NTRK3: variants seen among roughly 807,000 people sequenced by gnomAD.
The protein encoded by NTRK3 is neurotrophic receptor tyrosine kinase 3, also known as NT-3 growth factor receptor.
A neutral mutation model predicts 91.7 loss-of-function variants in NTRK3; 24 were observed. That is an observed-to-expected ratio of 0.26 (90% CI 0.19 to 0.37). The LOEUF (loss-of-function observed/expected upper bound fraction) is 0.37, where lower values mean the gene tolerates loss of function less well. Among genes scored for constraint, NTRK3 ranks in the 10% least tolerant of loss-of-function variants. NTRK3 has a pLI of 1.00. For synonymous variants in NTRK3, 483 were observed against 404.0 expected, an observed-to-expected ratio of 1.20 and a Z score of -2.34; for missense variants, 880 against 1,068.9, an observed-to-expected ratio of 0.82 and a Z score of 2.46.
intron 14 of NTRK3, chr15:87,979,568 G>A (rs1204498936): frequency 1.4e-6 from 1 of 740,422 alleles, no homozygotes; most frequent in Admixed American, 2.3e-5. Flanking sequence ...GAGGGAGCTT[G>A]AAAGGGGAAG....
At position 88,107,007 on chromosome 15, in the gene NTRK3, C is replaced by A. The variant is rs144526478; in HGVS notation, c.1396+19264G>T. On this transcript the variant is annotated intron_variant, in intron 13 of 18. Transcript: ENST00000394480. ...ATCTACAGTTACATAGATATATGTG[C>A]ATATGTACATATATACATTTACATA... 5.9e-4 allele frequency among the ~76,000 whole-genome samples: 89 copies of A among 151,804 alleles called. 2 individuals carry two copies. The East Asian group carries it at 0.015, about 26-fold the overall frequency.
chr15:88,110,183 G>T (rs2051174479), intron 13 of NTRK3, among the ~76,000 whole-genome samples: 1 of 152,092 alleles, frequency 6.6e-6, no homozygotes. Context: ...GCATGGAAAA[G>T]AAGCCATAGC....
chr15:87,862,618 T>C lies in NTRK3; in HGVS notation c.*14317A>G, dbSNP rs571886357. On this transcript the variant is annotated 3_prime_UTR_variant, in exon 19 of 19. Transcript: ENST00000394480. ...AGTTAAGAGTAGACAATGATGACTC[T>C]AAGATGATATCTGTGTGTCATTGTG... The C allele has an allele frequency of 2.4e-4, 54 of 227,968 alleles. No homozygotes were observed. The South Asian group carries it at 8.6e-3, about 36-fold the overall frequency. The allele number at this position is 227,968 out of a possible 1,614,324, so 14.1% of individuals were successfully genotyped here. A position where few individuals can be genotyped will look rare whatever the true frequency, so the allele number is the denominator to read the frequency against.
chr15:88,043,347 G>A (rs1487228362), intron 13 of NTRK3, among the ~76,000 whole-genome samples: 1 of 152,212 alleles, frequency 6.6e-6, no homozygotes, highest in Non-Finnish European at 1.5e-5. Context: ...AGAGATCATA[G>A]TTCAAATTTC....
intron 3 of NTRK3, among the ~76,000 whole-genome samples, chr15:88,244,444 T>C (rs1011008889): frequency 2.0e-5 from 3 of 152,192 alleles, no homozygotes; most frequent in African/African-American, 4.8e-5. Context: ...CTGAGACAGA[T>C]GCCAAATTCC....
chr15:88,145,121 ATGGCTCATGGCAGATGG>A (rs1283538847), intron 6 of NTRK3, among the ~76,000 whole-genome samples: 1 of 152,182 alleles, frequency 6.6e-6, no homozygotes. Flanking sequence ...GGCAGTCTAG[ATGGCTCATGGCAGATGG>A]CGCCATGTGG....
At chr15:87,999,478 G>A (rs2075946430) in intron 14 of NTRK3, among the ~76,000 whole-genome samples, 1 of 152,102 alleles carries the variant, frequency 6.6e-6, no homozygotes, top group Admixed American at 6.5e-5. Context: ...TTGCATTTTT[G>A]CAAAGCACCT....
chr15:88,049,029 C>A (rs1296642853), intron 13 of NTRK3, among the ~76,000 whole-genome samples: 1 of 152,174 alleles, frequency 6.6e-6, no homozygotes, highest in Non-Finnish European at 1.5e-5. Context: ...AATGAGGAAT[C>A]AGAGAAGGAT....
At chr15:88,128,082 C>T (rs1184845494) in intron 11 of NTRK3, among the ~76,000 whole-genome samples, 2 of 152,144 alleles carry the variant, frequency 1.3e-5, no homozygotes, top group East Asian at 3.9e-4. Context: ...AAAATGGCAG[C>T]AGTTGCTGCT....
chr15:88,039,363 A>AT (rs1456347897), intron 13 of NTRK3, among the ~76,000 whole-genome samples: 4 of 152,188 alleles, frequency 2.6e-5, no homozygotes, highest in African/African-American at 7.2e-5. Context: ...TCTCAATATC[A>AT]TATTATTCTC....
rs2072065030 is a variant in NTRK3, at chr15:87,959,839, T to C, written c.1586-19086A>G. ...GGAACGGCTAAGAGGGAGCCAAATGTGGAAGCTCCGTCAGTCTCTGGGACA... is the reference window on the plus strand; with the variant it reads ...GGAACGGCTAAGAGGGAGCCAAATGCGGAAGCTCCGTCAGTCTCTGGGACA... On this transcript the variant is annotated intron_variant, in intron 14 of 18. Coordinates refer to ENST00000394480, the Ensembl canonical transcript of NTRK3. Among the ~76,000 whole-genome samples the C allele has an allele frequency of 2.0e-5, 3 of 152,196 alleles. No homozygotes were observed. The South Asian group carries it at 6.2e-4, about 32-fold the overall frequency.
chr15:87,938,090 C>T (rs2069472819), intron 15 of NTRK3, among the ~76,000 whole-genome samples: 1 of 152,096 alleles, frequency 6.6e-6, no homozygotes, highest in Admixed American at 6.5e-5. Flanking sequence ...CAGAGTGGCA[C>T]CACTTATTTA....
At chr15:88,014,444 G>C (rs961542307) in intron 14 of NTRK3, among the ~76,000 whole-genome samples, 6 of 152,126 alleles carry the variant, frequency 3.9e-5, no homozygotes, top group African/African-American at 1.4e-4. Flanking sequence ...CTGGATCTCT[G>C]AGATATTTTT....
At chr15:87,933,333 A>G in intron 15 of NTRK3, 149 bp from the exon 16 acceptor site, 2 of 768,736 alleles carry the variant, frequency 2.6e-6, no homozygotes, top group Non-Finnish European at 4.2e-6. Context: ...GCTCAATCTC[A>G]ACTATAAGGC....
At chr15:88,077,715 T>A (rs1290669703) in intron 13 of NTRK3, among the ~76,000 whole-genome samples, 1 of 152,010 alleles carries the variant, frequency 6.6e-6, no homozygotes, top group African/African-American at 2.4e-5. Context: ...GAAGACTGAG[T>A]GAAACACTCT....
At chr15:87,913,594 A>C (rs2067246139) in intron 17 of NTRK3, among the ~76,000 whole-genome samples, 1 of 152,170 alleles carries the variant, frequency 6.6e-6, no homozygotes, top group South Asian at 2.1e-4. Context: ...CTTGAAATCT[A>C]TTAATATGTA....
At chr15:88,183,315 C>A (rs1467686092) in intron 5 of NTRK3, 103 bp downstream of exon 5, 10 of 1,133,918 alleles carry the variant, frequency 8.8e-6, no homozygotes, top group Non-Finnish European at 9.4e-6. Flanking sequence ...TGCCCAAGAG[C>A]CCCTGGAGGC....
intron 6 of NTRK3, among the ~76,000 whole-genome samples, chr15:88,145,140 G>A (rs530728126): frequency 4.2e-4 from 64 of 152,240 alleles, no homozygotes; most frequent in Non-Finnish European, 5.7e-4. Context: ...GGCAGATGGC[G>A]CCATGTGGAC....
At chr15:87,990,677 T>G (rs908880848) in intron 14 of NTRK3, among the ~76,000 whole-genome samples, 3 of 152,158 alleles carry the variant, frequency 2.0e-5, no homozygotes, top group Non-Finnish European at 4.4e-5. Flanking sequence ...TATCTCCAAC[T>G]TCCTTCTTCA....
Sources: allele counts gnomAD v4.1 joint callset (sites outside exome capture counted in the v4.1 genomes callset), GRCh38; gene constraint gnomAD v4.1.1; transcripts MANE v1.5; gene names NCBI Gene and HGNC (gene_info 2026-07-23, HGNC 2026-07-21).